Variants in ABCA8 observed in about 807,000 individuals in gnomAD.
The protein encoded by ABCA8 is ATP binding cassette subfamily A member 8.
A neutral mutation model predicts 192.3 loss-of-function variants in ABCA8; 177 were observed. The ratio of observed to expected loss-of-function variants is 0.92; its 90% CI spans 0.81 to 1.04. The LOEUF (loss-of-function observed/expected upper bound fraction) is 1.04. ABCA8 is among the 50% of genes least tolerant of loss of function. The probability of loss-of-function intolerance (pLI) is 0.00; values close to 1 mark genes in which losing one functional copy is unlikely to be tolerated. For synonymous variants in ABCA8, 642 were observed against 690.2 expected, an observed-to-expected ratio of 0.93 and a Z score of 1.09; for missense variants, 1,915 against 1,904.8, an observed-to-expected ratio of 1.01 and a Z score of -0.10.
chr17:68,923,978 A>G (rs1181696097), intron 11 of ABCA8, among the ~76,000 whole-genome samples: 1 of 152,078 alleles, frequency 6.6e-6, no homozygotes, highest in Non-Finnish European at 1.5e-5. Flanking sequence ...CTTTGTATCT[A>G]CCTCTAGGCC....
At chr17:68,935,555 T>TATATATATATATATATAC (rs2068042212) in intron 5 of ABCA8, among the ~76,000 whole-genome samples, 1 of 142,314 alleles carries the variant, frequency 7.0e-6, no homozygotes, top group Non-Finnish European at 1.5e-5. Flanking sequence ...TATATATATA[T>TATATATATATATATATAC]ATATATATAT....
At chr17:68,948,324 G>A (rs1282996126) in intron 2 of ABCA8, among the ~76,000 whole-genome samples, 6 of 152,164 alleles carry the variant, frequency 3.9e-5, no homozygotes, top group Admixed American at 2.6e-4. Context: ...TCGCCACACT[G>A]TCTTCCACAA....
intron 35 of ABCA8, 89 bp downstream of exon 35, chr17:68,876,371 T>A: frequency 6.5e-7 from 1 of 1,532,918 alleles, no homozygotes; most frequent in Non-Finnish European, 9.0e-7. Flanking sequence ...CACAAAAGAG[T>A]TTAAGGGACA....
intron 30 of ABCA8, 48 bp downstream of exon 30, chr17:68,882,551 T>A (rs369640592): frequency 3.3e-6 from 5 of 1,525,162 alleles, no homozygotes; most frequent in Non-Finnish European, 4.4e-6. Flanking sequence ...CATTAGAGAA[T>A]TAGACTGGTA....
rs190142918 is a variant in ABCA8 at position 68,869,104 on chromosome 17, G to C, written c.4711+596C>G. Among the ~76,000 whole-genome samples the C allele has an allele frequency of 3.9e-5, 6 of 152,282 alleles. No individual in the cohort carries two copies. The East Asian group carries it at 1.2e-3, about 29-fold the overall frequency. ...AGATCTGAATCTCTTCCTTAGGGCA[G>C]AGGATAAGCAAGCAAAGATATATCA... On this transcript the variant is annotated intron_variant, in intron 38 of 39. Transcript: ENST00000586539.
chr17:68,890,171 C>G (rs1228633379), intron 24 of ABCA8, among the ~76,000 whole-genome samples: 1 of 152,194 alleles, frequency 6.6e-6, no homozygotes, highest in Non-Finnish European at 1.5e-5. Context: ...ATCCCACCCA[C>G]AATGCATGAG....
At chr17:68,939,804 A>G (rs1158763219) in intron 4 of ABCA8, among the ~76,000 whole-genome samples, 1 of 152,186 alleles carries the variant, frequency 6.6e-6, no homozygotes, top group East Asian at 1.9e-4. Context: ...TATGAAAAAT[A>G]TAGTATTATT....
At chr17:68,943,779 G>T (rs1428581035) in intron 2 of ABCA8, among the ~76,000 whole-genome samples, 4 of 152,046 alleles carry the variant, frequency 2.6e-5, no homozygotes, top group African/African-American at 9.7e-5. Context: ...GCTGAGTGTG[G>T]ACCCACAGCT....
chr17:68,947,770 A>C (rs2068452715), intron 2 of ABCA8, among the ~76,000 whole-genome samples: 1 of 152,094 alleles, frequency 6.6e-6, no homozygotes, highest in Non-Finnish European at 1.5e-5. Context: ...GATCATGTGC[A>C]GAATGTGCAG....
At chr17:68,908,348 G>A (rs2067142917) in intron 17 of ABCA8, among the ~76,000 whole-genome samples, 2 of 152,184 alleles carry the variant, frequency 1.3e-5, no homozygotes, top group Non-Finnish European at 2.9e-5. Flanking sequence ...AACAGTTTCA[G>A]TTACTCAATG....
At chr17:68,902,965 A>G in intron 20 of ABCA8, 86 bp from the exon 21 acceptor site, 3 of 1,178,976 alleles carry the variant, frequency 2.5e-6, no homozygotes, top group South Asian at 1.6e-5. Flanking sequence ...AATGGGATAA[A>G]GAAATTATAA....
intron 5 of ABCA8, 64 bp from the exon 6 acceptor site, chr17:68,933,335 T>C: frequency 1.9e-6 from 2 of 1,052,938 alleles, no homozygotes; most frequent in Non-Finnish European, 2.8e-6. Flanking sequence ...AATATGATTT[T>C]AATACTGATT....
At chr17:68,920,105 A>G (rs946135052) in intron 13 of ABCA8, 2 of 152,220 alleles carry the variant, frequency 1.3e-5, no homozygotes, top group African/African-American at 4.8e-5. Flanking sequence ...TTGTGGGAAC[A>G]TGGGTGGAGC....
chr17:68,932,095 A>G lies in ABCA8; in HGVS notation c.797+193T>C, dbSNP rs1251506274. On this transcript the variant is annotated intron_variant, in intron 7 of 39. Coordinates refer to ENST00000586539, the MANE Select transcript of ABCA8 (RefSeq NM_001288985.2). ...CATGGTGGTCGGCACCTGCAGTCCC[A>G]GCTACTTGGGAGGCCGAGGCAGGAG... 12 of 441,484 alleles carry G rather than the reference A, an allele frequency of 2.7e-5. No homozygotes were observed. In the Admixed American group the frequency reaches 4.0e-4, roughly 15 times the overall value. The allele number at this position is 441,484 out of a possible 1,614,324, so 27.3% of individuals were successfully genotyped here. A position where few individuals can be genotyped will look rare whatever the true frequency, so the allele number is the denominator to read the frequency against.
At chr17:68,887,906 A>ATATATATATATC (rs370830810) in intron 24 of ABCA8, among the ~76,000 whole-genome samples, 1 of 60,882 alleles carries the variant, frequency 1.6e-5, no homozygotes, top group Non-Finnish European at 2.8e-5. Context: ...ATATATATAT[A>ATATATATATATC]TCCATATATA....
intron 17 of ABCA8, among the ~76,000 whole-genome samples, chr17:68,913,576 C>A (rs554411106): frequency 3.9e-5 from 6 of 151,940 alleles, no homozygotes; most frequent in Admixed American, 1.3e-4. Context: ...TGCAGAAATT[C>A]AAATGATATT....
chr17:68,940,910 C>A lies in ABCA8; in HGVS notation c.149G>T (p.Ser50Ile). 6.2e-7 allele frequency: 1 copy of A among 1,612,530 alleles called. No individual in the cohort carries two copies. Among genetic ancestry groups the A allele is most frequent in the Non-Finnish European group, 8.5e-7 (1 of 1,178,818 alleles). Residue 50 changes from serine (S) to isoleucine (I), a missense_variant, in exon 4 of 40, where the codon AGT (serine) becomes ATT (isoleucine). Transcript: ENST00000586539. The part of the protein sequence containing the change: ...LLLCLYIYPH[S>I]HQVNDFSSLL... ...TGAAGAAAAATCATTTACTTGATGA[C>A]TATGAGGATATATATACAAACAAAG...
At chr17:68,921,119 A>C (rs2067520948) in intron 13 of ABCA8, among the ~76,000 whole-genome samples, 1 of 151,926 alleles carries the variant, frequency 6.6e-6, no homozygotes. Context: ...CAAACGCCGC[A>C]TGTTCTCACT....
intron 37 of ABCA8, among the ~76,000 whole-genome samples, chr17:68,872,501 G>T (rs1011236399): frequency 6.7e-6 from 1 of 149,870 alleles, no homozygotes; most frequent in Non-Finnish European, 1.5e-5. Flanking sequence ...TGGGTGCAGC[G>T]CACCAGCATG....
Sources: gnomAD v4.1 joint callset for allele counts (sites outside exome capture counted in the v4.1 genomes callset) on GRCh38, gnomAD v4.1.1 for gene constraint, MANE v1.5 for transcripts, NCBI Gene and HGNC (gene_info 2026-07-23, HGNC 2026-07-21) for gene names.